Variants in ZNF345 observed in about 807,000 individuals in gnomAD.
ZNF345 encodes the protein zinc finger protein 345.
For missense variants in ZNF345, 527 were observed against 589.9 expected (o/e 0.89, Z 1.10); for synonymous variants, 166 against 187.9 (o/e 0.88, Z 0.95).
chr19:36,891,242 C>T (rs1187685325), intron 3 of ZNF345: 2 of 400,018 alleles, frequency 5.0e-6, no homozygotes, highest in African/African-American at 2.1e-5. Context: ...AGAACAGATC[C>T]TCAGAGTCCT....
chr19:36,862,301 G>C (rs1026912733), intron 2 of ZNF345, among the ~76,000 whole-genome samples: 1 of 151,924 alleles, frequency 6.6e-6, no homozygotes, highest in African/African-American at 2.4e-5. Flanking sequence ...CTACCGTTTG[G>C]CCTTTTTTAT....
At position 36,876,867 on chromosome 19, in the gene ZNF345, A is replaced by T; in HGVS notation, c.37A>T (p.Ser13Cys). Residue 13 changes from serine to cysteine, a missense_variant, in exon 3 of 3, where the codon AGT (serine) becomes TGT (cysteine). By Grantham distance (112) the Ser-to-Cys change is moderately radical. Transcript: ENST00000420450. ...NLTKHSIECS[S>C]FRGDWECKNQ... ...TACAAAACACAGCATTGAGTGTTCA[A>T]GTTTCAGAGGTGATTGGGAATGTAA... 1 of 1,613,528 alleles carries T rather than the reference A, an allele frequency of 6.2e-7. No homozygotes were observed. Among genetic ancestry groups the T allele is most frequent in the Non-Finnish European group, 8.5e-7 (1 of 1,179,728 alleles).
rs1296531362 is a variant in ZNF345, at chr19:36,886,635, C to G, written c.47-6183C>G. On this transcript the variant is annotated intron_variant, in intron 3 of 3. Coordinates refer to the ZNF345 transcript ENST00000526123. ...CCGAGGAGGGTGGATCACCTGAGGT[C>G]AGGAGTTCGAGACCAGCCTGGCCAA... Among the ~76,000 whole-genome samples, 7 of 152,174 alleles carry G rather than the reference C, an allele frequency of 4.6e-5. No individual in the cohort carries two copies. In the East Asian group the frequency reaches 1.4e-3, roughly 29 times the overall value.
chr19:36,860,509 G>A (rs1440510804), intron 2 of ZNF345, among the ~76,000 whole-genome samples: 1 of 152,044 alleles, frequency 6.6e-6, no homozygotes, highest in Non-Finnish European at 1.5e-5. Context: ...TGGAAGAGTT[G>A]CTCTCTCTTT....
At position 36,873,317 on chromosome 19, in the gene ZNF345, T is replaced by G. The variant is rs2072807522; in HGVS notation, c.-46-3468T>G. Among the ~76,000 whole-genome samples, 11 of 152,290 alleles carry G rather than the reference T, an allele frequency of 7.2e-5. No individual in the cohort carries two copies. The South Asian group carries it at 2.3e-3, about 32-fold the overall frequency. On this transcript the variant is annotated intron_variant, in intron 2 of 2. Coordinates refer to ENST00000420450, the MANE Select transcript of ZNF345 (RefSeq NM_001242472.2). ...TGGTTGCTTTGTTTACTGTCTTTTATCTTACAGGCTTTTCTCAAATATCTA... is the reference window on the plus strand; with the variant it reads ...TGGTTGCTTTGTTTACTGTCTTTTAGCTTACAGGCTTTTCTCAAATATCTA...
intron 2 of ZNF345, among the ~76,000 whole-genome samples, chr19:36,866,690 A>C (rs1319129744): frequency 6.6e-6 from 1 of 152,140 alleles, no homozygotes; most frequent in African/African-American, 2.4e-5. Flanking sequence ...CTGGGATTAC[A>C]GGCGTGCACC....
downstream of ZNF345, among the ~76,000 whole-genome samples, chr19:36,883,307 G>A (rs144172367): frequency 6.6e-5 from 10 of 152,206 alleles, no homozygotes; most frequent in East Asian, 1.7e-3. Context: ...GTAGCTACTC[G>A]TCATGGTCAT....
chr19:36,888,342 T>A (rs1344042146), intron 3 of ZNF345: 8 of 152,160 alleles, frequency 5.3e-5, no homozygotes. Context: ...CACAATATAG[T>A]GTCAAACCGT....
chr19:36,874,505 A>AAG (rs552052081), intron 2 of ZNF345, among the ~76,000 whole-genome samples: 19 of 144,698 alleles, frequency 1.3e-4, no homozygotes, highest in African/African-American at 3.9e-4. Context: ...AAAAAAAAAA[A>AAG]GGGGGGTGGG....
chr19:36,855,610 G>A (rs1352041500), intron 2 of ZNF345, among the ~76,000 whole-genome samples: 1 of 151,788 alleles, frequency 6.6e-6, no homozygotes, highest in African/African-American at 2.4e-5. Flanking sequence ...GTGCCACCAC[G>A]CCTGGCTAAT....
chr19:36,859,129 G>T (rs1353663120), intron 2 of ZNF345, among the ~76,000 whole-genome samples: 1 of 150,396 alleles, frequency 6.6e-6, no homozygotes, highest in African/African-American at 2.4e-5. Flanking sequence ...TTTGGGTTTT[G>T]TAAATCTTAA....
At chr19:36,862,399 A>C (rs1600698332) in intron 2 of ZNF345, among the ~76,000 whole-genome samples, 1 of 151,762 alleles carries the variant, frequency 6.6e-6, no homozygotes, top group Admixed American at 6.6e-5. Context: ...GTGGTGGCTC[A>C]CACCTGTAAT....
chr19:36,858,595 C>T (rs1038853714), intron 2 of ZNF345, among the ~76,000 whole-genome samples: 5 of 151,950 alleles, frequency 3.3e-5, no homozygotes, highest in East Asian at 1.9e-4. Context: ...GGTGAAACCC[C>T]GTCTCTACCA....
intron 3 of ZNF345, chr19:36,892,249 T>C (rs756171887): frequency 6.2e-7 from 1 of 1,614,066 alleles, no homozygotes. Context: ...ATAGTGTTTT[T>C]CACCAAAATG....
chr19:36,860,043 C>G (rs956619707), intron 2 of ZNF345, among the ~76,000 whole-genome samples: 1 of 152,070 alleles, frequency 6.6e-6, no homozygotes, highest in Admixed American at 6.6e-5. Context: ...CTGCAAGTGC[C>G]GCCTCCTGGG....
intron 2 of ZNF345, among the ~76,000 whole-genome samples, chr19:36,852,938 T>TTTA (rs2072317707): frequency 6.6e-6 from 1 of 150,740 alleles, no homozygotes; most frequent in South Asian, 2.1e-4. Context: ...AATGTCCCCT[T>TTTA]TTATAAGGTG....
chr19:36,852,800 ATT>A (rs2072314116), intron 2 of ZNF345, among the ~76,000 whole-genome samples: 1 of 151,722 alleles, frequency 6.6e-6, no homozygotes, highest in South Asian at 2.1e-4. Context: ...GTTATATTTA[ATT>A]TAAATTTCCT....
intron 2 of ZNF345, among the ~76,000 whole-genome samples, chr19:36,862,340 G>A (rs1205813656): frequency 2.6e-5 from 4 of 151,886 alleles, no homozygotes; most frequent in African/African-American, 7.3e-5. Flanking sequence ...TTGATTGTAT[G>A]AGTATGTAAA....
At chr19:36,863,849 A>G (rs1352475722) in intron 2 of ZNF345, among the ~76,000 whole-genome samples, 2 of 152,248 alleles carry the variant, frequency 1.3e-5, no homozygotes, top group Non-Finnish European at 2.9e-5. Flanking sequence ...CTCCCAAGGC[A>G]TGTGCTTTAA....
Sources: gnomAD v4.1 joint callset for allele counts (sites outside exome capture counted in the v4.1 genomes callset) on GRCh38, gnomAD v4.1.1 for gene constraint, MANE v1.5 for transcripts, NCBI Gene and HGNC (gene_info 2026-07-23, HGNC 2026-07-21) for gene names.